Variants in NLGN4X observed in about 807,000 individuals in gnomAD.
NLGN4X encodes neuroligin 4 X-linked, also known as neuroligin-4, X-linked.
In NLGN4X, 3 loss-of-function variants were observed where a neutral mutation model predicts 40.3. That is an observed-to-expected ratio of 0.07 (90% CI 0.03 to 0.19). The LOEUF (loss-of-function observed/expected upper bound fraction) is 0.19. NLGN4X is among the 10% of genes least tolerant of loss of function. NLGN4X has a pLI of 1.00. For synonymous variants in NLGN4X, 270 were observed against 306.8 expected, an observed-to-expected ratio of 0.88 and a Z score of 1.25; for missense variants, 382 against 708.3, an observed-to-expected ratio of 0.54 and a Z score of 5.23.
intron 1 of NLGN4X, among the ~76,000 whole-genome samples, chrX:6,167,701 C>T (rs935212933): frequency 3.6e-5 from 4 of 111,675 alleles, no homozygotes; most frequent in Admixed American, 9.5e-5. Flanking sequence ...GCTTCTTCTC[C>T]ATCCCCATCT....
rs1405239429 is a variant in NLGN4X at position 6,184,017 on chromosome X, C to T, written c.-305-32246G>A. Among the ~76,000 whole-genome samples the T allele has an allele frequency of 1.7e-4, 19 of 111,996 alleles. No homozygotes were observed. The Admixed American group carries it at 1.8e-3, about 11-fold the overall frequency. The stretch of plus-strand genomic sequence containing the variant: ...AACTGATTTTTAAGCAAGTATCTGG[C>T]TTAAACATTGAAAAATACAACCTAT... On this transcript the variant is annotated intron_variant, in intron 1 of 5. Coordinates refer to ENST00000381095, the MANE Select transcript of NLGN4X (RefSeq NM_181332.3).
intron 3 of NLGN4X, among the ~76,000 whole-genome samples, chrX:5,919,479 G>A (rs988604214): frequency 1.8e-5 from 2 of 111,719 alleles, no homozygotes; most frequent in Non-Finnish European, 3.8e-5. Flanking sequence ...TACAGCAGGG[G>A]TCCCCAAGCC....
intron 3 of NLGN4X, among the ~76,000 whole-genome samples, chrX:5,909,790 G>A (rs779440047): frequency 3.6e-5 from 4 of 110,740 alleles, no homozygotes; most frequent in Non-Finnish European, 7.5e-5. Flanking sequence ...AAGAAACAAC[G>A]TAAGTTACAG....
At chrX:6,111,348 A>T (rs2039144143) in intron 2 of NLGN4X, among the ~76,000 whole-genome samples, 1 of 111,498 alleles carries the variant, frequency 9.0e-6, no homozygotes, top group Non-Finnish European at 1.9e-5. Flanking sequence ...ACATGTGAGG[A>T]TAAATCAAGA....
intron 3 of NLGN4X, among the ~76,000 whole-genome samples, chrX:5,970,005 A>ACACACC (rs1436841524): frequency 1.3e-5 from 1 of 78,638 alleles, no homozygotes; most frequent in African/African-American, 5.1e-5. Context: ...TGGGAACATC[A>ACACACC]CACACCGGGG....
chrX:6,066,646 T>G (rs1210519899), intron 2 of NLGN4X, among the ~76,000 whole-genome samples: 2 of 110,794 alleles, frequency 1.8e-5, no homozygotes, highest in Non-Finnish European at 3.8e-5. Context: ...TTAGCCGGGT[T>G]TGGTGGTGGG....
chrX:5,995,840 C>A (rs2035802901), intron 3 of NLGN4X, among the ~76,000 whole-genome samples: 1 of 111,909 alleles, frequency 8.9e-6, no homozygotes, highest in African/African-American at 3.3e-5. Flanking sequence ...ATCCAGTGCC[C>A]ATCCTCACTC....
chrX:6,116,548 G>A (rs1465102417), intron 2 of NLGN4X, among the ~76,000 whole-genome samples: 1 of 93,287 alleles, frequency 1.1e-5, no homozygotes, highest in Admixed American at 1.2e-4. Context: ...CCGCCTCCCA[G>A]GTTCAAGTGA....
chrX:5,918,096 G>A (rs747316862), intron 3 of NLGN4X, among the ~76,000 whole-genome samples: 13 of 111,047 alleles, frequency 1.2e-4, no homozygotes, highest in African/African-American at 3.9e-4. Context: ...AAATCTGGGG[G>A]AAAATGATGC....
At chrX:6,146,569 G>C (rs2040049804) in intron 2 of NLGN4X, among the ~76,000 whole-genome samples, 1 of 110,695 alleles carries the variant, frequency 9.0e-6, no homozygotes, top group Non-Finnish European at 1.9e-5. Flanking sequence ...AACAATCATA[G>C]CAAGCTTACT....
chrX:6,043,315 TAACAA>T (rs969481276), intron 2 of NLGN4X, among the ~76,000 whole-genome samples: 11 of 110,768 alleles, frequency 9.9e-5, no homozygotes, highest in Admixed American at 1.9e-4. Flanking sequence ...AAAAAATACC[TAACAA>T]AACAAAATAT....
At chrX:6,063,963 T>G (rs1288426823) in intron 2 of NLGN4X, among the ~76,000 whole-genome samples, 1 of 112,201 alleles carries the variant, frequency 8.9e-6, no homozygotes, top group Non-Finnish European at 1.9e-5. Flanking sequence ...TTGGGCTCTT[T>G]GTTTTTGCCA....
chrX:6,048,739 C>T (rs1383143128), intron 2 of NLGN4X, among the ~76,000 whole-genome samples: 1 of 109,009 alleles, frequency 9.2e-6, no homozygotes, highest in Non-Finnish European at 1.9e-5. Flanking sequence ...CAAACTAATG[C>T]AGGAACAGAG....
intron 1 of NLGN4X, among the ~76,000 whole-genome samples, chrX:6,162,661 T>C (rs113769704): frequency 0.077 from 8,500 of 110,722 alleles, 246 homozygotes; most frequent in East Asian, 0.14. Flanking sequence ...TAAACTCCCC[T>C]TTATATATCT....
chrX:5,897,076 C>A (rs953192841), intron 5 of NLGN4X, among the ~76,000 whole-genome samples: 1 of 111,666 alleles, frequency 9.0e-6, no homozygotes, highest in Non-Finnish European at 1.9e-5. Context: ...CCGTACAAAC[C>A]CCAGACTCGA....
chrX:5,971,012 T>A (rs1426722791), intron 3 of NLGN4X, among the ~76,000 whole-genome samples: 2 of 111,683 alleles, frequency 1.8e-5, no homozygotes, highest in African/African-American at 6.5e-5. Flanking sequence ...TAACAGAGAA[T>A]CCGCTGTTCC....
At chrX:6,214,739 A>G (rs1177815247) in intron 1 of NLGN4X, among the ~76,000 whole-genome samples, 1 of 111,654 alleles carries the variant, frequency 9.0e-6, no homozygotes, top group Non-Finnish European at 1.9e-5. Context: ...TTAAAAAGAA[A>G]AATATGTGTA....
intron 3 of NLGN4X, among the ~76,000 whole-genome samples, chrX:5,984,569 C>CA (rs749085866): frequency 8.1e-5 from 9 of 111,296 alleles, no homozygotes; most frequent in Non-Finnish European, 1.3e-4. Context: ...CTAATGGTAT[C>CA]ACAGTGAAAC....
At chrX:6,091,056 G>GGGAC (rs1375506354) in intron 2 of NLGN4X, among the ~76,000 whole-genome samples, 1 of 102,727 alleles carries the variant, frequency 9.7e-6, no homozygotes, top group Non-Finnish European at 2.0e-5. Context: ...AAGGAAGGGA[G>GGGAC]GGAGGGAGGG....
Sources: allele counts gnomAD v4.1 joint callset (sites outside exome capture counted in the v4.1 genomes callset), GRCh38; gene constraint gnomAD v4.1.1; transcripts MANE v1.5; gene names NCBI Gene and HGNC (gene_info 2026-07-23, HGNC 2026-07-21).